Variants in SCIN observed in about 807,000 individuals in gnomAD.
SCIN encodes adseverin.
In SCIN, 91 loss-of-function variants were observed where a neutral mutation model predicts 91.8. The observed-to-expected ratio is 0.99, with a 90% confidence interval of 0.84 to 1.18. The LOEUF is 1.18. Among genes scored for constraint, SCIN ranks in the 50% most tolerant of loss-of-function variants. The pLI is 0.00. For synonymous variants in SCIN, 367 were observed against 312.6 expected, an observed-to-expected ratio of 1.17 and a Z score of -1.84; for missense variants, 1,087 against 863.9, an observed-to-expected ratio of 1.26 and a Z score of -3.24.
intron 4 of SCIN, among the ~76,000 whole-genome samples, chr7:12,615,954 A>G (rs895122134): frequency 1.3e-5 from 2 of 152,174 alleles, no homozygotes; most frequent in Non-Finnish European, 2.9e-5. Context: ...AAAGGATAAG[A>G]TGAGATAAAA....
In SCIN at chr7:12,654,876, A is replaced by G. The variant is rs1319105507; in HGVS notation, c.*2161A>G. On this transcript the variant is annotated 3_prime_UTR_variant, in exon 16 of 16. Transcript: ENST00000297029. ...TCTGTTGCAGGGTTTTAACCTGCCCAAAGGATGGAAAAAGAAGAACATAAG... is the reference window on the plus strand; with the variant it reads ...TCTGTTGCAGGGTTTTAACCTGCCCGAAGGATGGAAAAAGAAGAACATAAG... 6.6e-6 allele frequency: 1 copy of G among 152,222 alleles called. No homozygotes were observed. Among genetic ancestry groups the G allele is most frequent in the Non-Finnish European group, 1.5e-5 (1 of 68,028 alleles). 9.4% of individuals were successfully genotyped at this position (152,222 alleles called of 1,614,324 possible).
chr7:12,584,939 T>A (rs1782557150), intron 3 of SCIN, among the ~76,000 whole-genome samples: 1 of 152,196 alleles, frequency 6.6e-6, no homozygotes, highest in Non-Finnish European at 1.5e-5. Context: ...CAGCCACTAG[T>A]GAAGAATTCT....
At chr7:12,644,502 T>C (rs1009681672) in intron 12 of SCIN, 82 bp from the exon 13 acceptor site, 1 of 1,543,150 alleles carries the variant, frequency 6.5e-7, no homozygotes, top group Admixed American at 2.0e-5. Context: ...GAAATCAAGG[T>C]GAGATAATAT....
rs997211740 is a variant in SCIN, at chr7:12,655,700, T to A, written c.*2985T>A. On this transcript the variant is annotated 3_prime_UTR_variant, in exon 16 of 16. Transcript: ENST00000297029. ...TTGATCCATAGCACAGTATTACTTT[T>A]GTAAACATACACAAAAAATATTATA... 6.6e-6 allele frequency: 1 copy of A among 152,230 alleles called. No individual in the cohort carries two copies. Among genetic ancestry groups the A allele is most frequent in the African/African-American group, 2.4e-5 (1 of 41,456 alleles). 9.4% of individuals were successfully genotyped at this position (152,230 alleles called of 1,614,324 possible).
In SCIN at chr7:12,570,725, C is replaced by T. The variant is rs1259704214; in HGVS notation, c.-62C>T. Reference sequence around the variant, plus strand: ...GCGGCGAATAAGGTTCCTCCTGCTGCTCTCGGTTTAGTCCAAGATCAGCGA... The same window carrying T: ...GCGGCGAATAAGGTTCCTCCTGCTGTTCTCGGTTTAGTCCAAGATCAGCGA... On this transcript the variant is annotated 5_prime_UTR_variant, in exon 1 of 16. Transcript: ENST00000297029. 2.2e-5 allele frequency: 33 copies of T among 1,517,994 alleles called. No homozygotes were observed. The highest frequency in any genetic ancestry group is 2.9e-5 in the Non-Finnish European group (33 of 1,125,570). 94.0% of individuals were successfully genotyped at this position (1,517,994 alleles called of 1,614,324 possible). A position where few individuals can be genotyped will look rare whatever the true frequency, so the allele number is the denominator to read the frequency against.
chr7:12,583,021 G>C (rs984815428), intron 3 of SCIN, among the ~76,000 whole-genome samples: 2 of 151,940 alleles, frequency 1.3e-5, no homozygotes, highest in Non-Finnish European at 2.9e-5. Flanking sequence ...GCAAATATTT[G>C]AGTAGGTGAT....
intron 3 of SCIN, among the ~76,000 whole-genome samples, chr7:12,597,322 G>T (rs1782863623): frequency 6.6e-6 from 1 of 152,156 alleles, no homozygotes; most frequent in African/African-American, 2.4e-5. Context: ...CTAAACACAG[G>T]AAAGACAAAG....
intron 3 of SCIN, among the ~76,000 whole-genome samples, chr7:12,581,874 A>G (rs1462562960): frequency 1.3e-5 from 2 of 152,194 alleles, no homozygotes; most frequent in Non-Finnish European, 2.9e-5. Flanking sequence ...AAGGTAGAAT[A>G]TAAGTTGTGT....
At chr7:12,631,906 C>A (rs917202804) in intron 9 of SCIN, among the ~76,000 whole-genome samples, 1 of 152,030 alleles carries the variant, frequency 6.6e-6, no homozygotes, top group African/African-American at 2.4e-5. Context: ...GTGCTCCAAT[C>A]TACTCGTCAT....
rs1200217372 is a variant in SCIN, at chr7:12,656,112, C to G, written c.*3397C>G. 6.6e-6 allele frequency: 1 copy of G among 152,166 alleles called. No individual in the cohort carries two copies. Among genetic ancestry groups the G allele is most frequent in the Non-Finnish European group, 1.5e-5 (1 of 68,032 alleles). 9.4% of individuals were successfully genotyped at this position (152,166 alleles called of 1,614,324 possible). On this transcript the variant is annotated 3_prime_UTR_variant, in exon 16 of 16. Coordinates refer to ENST00000297029, the MANE Select transcript of SCIN (RefSeq NM_001112706.3). ...AAATAATATTTCCCACCACTTATTTCTAGCAGTTCTGGTAAAGAGAATGGC... is the reference window on the plus strand; with the variant it reads ...AAATAATATTTCCCACCACTTATTTGTAGCAGTTCTGGTAAAGAGAATGGC...
At chr7:12,583,348 T>C (rs1314756986) in intron 3 of SCIN, among the ~76,000 whole-genome samples, 1 of 152,228 alleles carries the variant, frequency 6.6e-6, no homozygotes, top group Non-Finnish European at 1.5e-5. Flanking sequence ...CACAGTCACA[T>C]CTGGGAAATG....
Position 12,636,154 on chromosome 7 carries a change from C to G in SCIN, c.1410+19C>G. 3 of 1,575,256 alleles carry G rather than the reference C, an allele frequency of 1.9e-6. No individual in the cohort carries two copies. Among genetic ancestry groups the G allele is most frequent in the Non-Finnish European group, 2.6e-6 (3 of 1,148,608 alleles). On this transcript the variant is annotated intron_variant, in intron 10 of 15. Transcript: ENST00000297029. Reference sequence around the variant, plus strand: ...TGTGCAGGTTGGGATATTTTTACCCCCAAAACTCACACAAGTTAAAGTCTT... The same window carrying G: ...TGTGCAGGTTGGGATATTTTTACCCGCAAAACTCACACAAGTTAAAGTCTT...
intron 4 of SCIN, among the ~76,000 whole-genome samples, chr7:12,620,022 A>G (rs191833892): frequency 2.0e-5 from 3 of 152,108 alleles, no homozygotes; most frequent in African/African-American, 7.2e-5. Context: ...TTCCTGCTTT[A>G]TAAAGGGATA....
At chr7:12,652,465 C>A in intron 15 of SCIN, 123 bp from the exon 16 acceptor site, 1 of 846,244 alleles carries the variant, frequency 1.2e-6, no homozygotes, top group Non-Finnish European at 1.8e-6. Flanking sequence ...TTCAATGTAG[C>A]CAATATTTAT....
intron 3 of SCIN, among the ~76,000 whole-genome samples, chr7:12,593,923 C>T (rs1302171990): frequency 6.6e-6 from 1 of 152,098 alleles, no homozygotes; most frequent in Non-Finnish European, 1.5e-5. Flanking sequence ...AGAGATCATG[C>T]CAAGTGAGTT....
chr7:12,624,487 A>C (rs190905190), intron 5 of SCIN, among the ~76,000 whole-genome samples: 1 of 152,234 alleles, frequency 6.6e-6, no homozygotes, highest in Admixed American at 6.5e-5. Context: ...CATAAACTAT[A>C]TCAATATCCT....
intron 1 of SCIN, among the ~76,000 whole-genome samples, chr7:12,574,648 T>G (rs1782333353): frequency 6.6e-6 from 1 of 152,136 alleles, no homozygotes; most frequent in Non-Finnish European, 1.5e-5. Flanking sequence ...TAAGCTATAC[T>G]GTAATTTTAC....
chr7:12,625,609 G>C (rs998631597), intron 6 of SCIN, among the ~76,000 whole-genome samples, 153 bp from the exon 7 acceptor site: 4 of 151,886 alleles, frequency 2.6e-5, no homozygotes, highest in Admixed American at 2.0e-4. Flanking sequence ...GATTACAGGC[G>C]TGAGCCACCG....
intron 3 of SCIN, among the ~76,000 whole-genome samples, chr7:12,599,370 AGTGTGT>A (rs10659954): frequency 4.0e-4 from 59 of 149,332 alleles, no homozygotes; most frequent in African/African-American, 1.0e-3. Flanking sequence ...TTTCATGGTG[AGTGTGT>A]GTGTGTGTGT....
Sources: allele counts gnomAD v4.1 joint callset (sites outside exome capture counted in the v4.1 genomes callset), GRCh38; gene constraint gnomAD v4.1.1; transcripts MANE v1.5; gene names NCBI Gene and HGNC (gene_info 2026-07-23, HGNC 2026-07-21).